Variants in ACTN1 observed in about 807,000 individuals in gnomAD.
ACTN1 encodes the protein actinin alpha 1.
A neutral mutation model predicts 119.6 loss-of-function variants in ACTN1; 30 were observed. That is an observed-to-expected ratio of 0.25 (90% CI 0.19 to 0.34). The LOEUF is 0.34. Among genes scored for constraint, ACTN1 ranks in the 10% least tolerant of loss-of-function variants. The pLI is 1.00. For synonymous variants in ACTN1, 429 were observed against 472.6 expected (o/e 0.91, Z 1.20); for missense variants, 764 against 1,223.4 (o/e 0.62, Z 5.60).
At position 68,882,742 on chromosome 14, in the gene ACTN1, G is replaced by C; in HGVS notation, c.1818+131C>G. 1 of 1,503,794 alleles carries C rather than the reference G, an allele frequency of 6.6e-7. No individual in the cohort carries two copies. Among genetic ancestry groups the C allele is most frequent in the East Asian group, 2.3e-5 (1 of 43,942 alleles). The allele number at this position is 1,503,794 out of a possible 1,614,324, so 93.2% of individuals were successfully genotyped here. On this transcript the variant is annotated intron_variant, in intron 15 of 21. Transcript: ENST00000394419. This position sits in a 1 kb window ranked among gnomAD's most constrained non-coding sequence, Gnocchi z 4.5. ...ACCTGTTCTGGAAACCCAGTCATTT[G>C]ACATTTGGACAAACAATGAGTGTTT...
intron 1 of ACTN1, among the ~76,000 whole-genome samples, chr14:68,937,264 T>C (rs905903711): frequency 1.3e-5 from 2 of 152,104 alleles, no homozygotes; most frequent in Non-Finnish European, 2.9e-5. Flanking sequence ...AAAGTCTGTC[T>C]GGGAATATAT....
At chr14:68,921,220 G>C in intron 2 of ACTN1, 95 bp from the exon 3 acceptor site, 1 of 1,501,596 alleles carries the variant, frequency 6.7e-7, no homozygotes, top group East Asian at 2.3e-5. Context: ...GCACAGCTTA[G>C]CTAGGCAGAA....
At chr14:68,888,503 T>C (rs1007875186) in intron 11 of ACTN1, among the ~76,000 whole-genome samples, 3 of 152,128 alleles carry the variant, frequency 2.0e-5, no homozygotes, top group African/African-American at 7.2e-5. Flanking sequence ...CCTCTTACCA[T>C]TGTGTGCAAA....
intron 8 of ACTN1, among the ~76,000 whole-genome samples, chr14:68,901,219 T>G (rs1369470465): frequency 6.8e-6 from 1 of 146,122 alleles, no homozygotes; most frequent in East Asian, 2.0e-4. Context: ...TTTTTTTTGT[T>G]TTTTTTTTGT....
rs2034856206 is a variant in ACTN1, at chr14:68,925,173, G to A, written c.220+385C>T. On this transcript the variant is annotated intron_variant, in intron 2 of 21. Coordinates refer to ENST00000394419, the MANE Select transcript of ACTN1 (RefSeq NM_001130004.2). This position sits in a 1 kb window ranked among gnomAD's most constrained non-coding sequence, Gnocchi z 4.3. Reference sequence around the variant, plus strand: ...CCCTCCAGACATCTGGACAAACCAGGGGCTGGGGAATGGCCTGGGTCACCT... The same window carrying A: ...CCCTCCAGACATCTGGACAAACCAGAGGCTGGGGAATGGCCTGGGTCACCT... Among the ~76,000 whole-genome samples, 1 of 152,160 alleles carries A rather than the reference G, an allele frequency of 6.6e-6. No homozygotes were observed.
At chr14:68,953,064 ACCCACCCCTGTC>A (rs1329543678) in intron 1 of ACTN1, among the ~76,000 whole-genome samples, 1 of 151,452 alleles carries the variant, frequency 6.6e-6, no homozygotes. Flanking sequence ...CAGCCTGCGC[ACCCACCCCTGTC>A]CCCAGGGGAC....
chr14:68,938,304 C>T (rs2035620532), intron 1 of ACTN1, among the ~76,000 whole-genome samples: 1 of 152,104 alleles, frequency 6.6e-6, no homozygotes. Flanking sequence ...ACAGCCTGTC[C>T]CCAGGACATG....
intron 9 of ACTN1, among the ~76,000 whole-genome samples, chr14:68,893,405 G>GA (rs1371488314): frequency 1.3e-5 from 2 of 152,080 alleles, no homozygotes; most frequent in Non-Finnish European, 2.9e-5. Context: ...CTTGACAAGT[G>GA]AAAAAAACAA....
At chr14:68,928,977 T>C (rs1325246473) in intron 1 of ACTN1, among the ~76,000 whole-genome samples, 2 of 150,960 alleles carry the variant, frequency 1.3e-5, no homozygotes, top group African/African-American at 2.4e-5. Flanking sequence ...CTGTGGTGAG[T>C]TCCTGGGAGA....
Position 68,882,478 on chromosome 14 carries a change from A to C in ACTN1, c.1933T>G (p.Trp645Gly). 1.2e-6 allele frequency: 2 copies of C among 1,614,182 alleles called. No homozygotes were observed. Among genetic ancestry groups the C allele is most frequent in the Non-Finnish European group, 1.7e-6 (2 of 1,180,014 alleles). Reference protein sequence around the residue: ...FGAQANVIGPWIQTKMEEIGR... With the variant: ...FGAQANVIGPGIQTKMEEIGR... Reference sequence around the variant, plus strand: ...CCCACCTCCATCTTGGTCTGGATCCAGGGCCCGATGACATTGGCCTGGGCT... The same window carrying C: ...CCCACCTCCATCTTGGTCTGGATCCCGGGCCCGATGACATTGGCCTGGGCT... Residue 645 changes from tryptophan to glycine, a missense_variant, in exon 16 of 22, where the codon TGG becomes GGG. This residue lies in a region of ACTN1 where 544 missense variants were observed against 912.0 expected (regional missense o/e 0.60). Coordinates refer to ENST00000394419, the MANE Select transcript of ACTN1 (RefSeq NM_001130004.2). This position sits in a 1 kb window ranked among gnomAD's most constrained non-coding sequence, Gnocchi z 4.5.
chr14:68,880,828 G>A lies in ACTN1; in HGVS notation c.2115C>T (p.His705=), dbSNP rs1199668020. Residue 705 remains histidine (H), a synonymous_variant, in exon 17 of 22, where the codon CAC becomes CAT. Coordinates refer to ENST00000394419, the MANE Select transcript of ACTN1 (RefSeq NM_001130004.2). The surrounding 1 kb of genome is among the most constrained non-coding windows in gnomAD (Gnocchi z 4.6). The part of the protein sequence containing the change: ...IQEALIFDNK[H]TNYTMEHIRV... ...CACCCACCTCCATGGTGTAGTTGGTGTGCTTGTTGTCGAAGATGAGCGCCT... is the reference window on the plus strand; with the variant it reads ...CACCCACCTCCATGGTGTAGTTGGTATGCTTGTTGTCGAAGATGAGCGCCT... 1.2e-6 allele frequency: 2 copies of A among 1,614,196 alleles called. No homozygotes were observed. Among genetic ancestry groups the A allele is most frequent in the Non-Finnish European group, 1.7e-6 (2 of 1,180,036 alleles).
Position 68,878,018 on chromosome 14 carries a change from G to T in ACTN1, c.2427+440C>A. 1 of 173,142 alleles carries T rather than the reference G, an allele frequency of 5.8e-6. No individual in the cohort carries two copies. The allele number at this position is 173,142 out of a possible 1,614,324, so 10.7% of individuals were successfully genotyped here. On this transcript the variant is annotated intron_variant, in intron 20 of 21. Transcript: ENST00000394419. This position sits in a 1 kb window ranked among gnomAD's most constrained non-coding sequence, Gnocchi z 4.4. Reference sequence around the variant, plus strand: ...AGGGGGGACAGACTAGGAAGGTTGGGGGGTGGGGGACGGCCTGGGACAATC... The same window carrying T: ...AGGGGGGACAGACTAGGAAGGTTGGTGGGTGGGGGACGGCCTGGGACAATC...
At position 68,877,055 on chromosome 14, in the gene ACTN1, C is replaced by T. The variant is rs777295117; in HGVS notation, c.2586+27G>A. On this transcript the variant is annotated intron_variant, in intron 21 of 21. Transcript: ENST00000394419. Reference sequence around the variant, plus strand: ...GTCCAGCCAGTGCCTGCCACCCCAGCACAGTGCCCACCCATAGGACACCCA... The same window carrying T: ...GTCCAGCCAGTGCCTGCCACCCCAGTACAGTGCCCACCCATAGGACACCCA... The T allele has an allele frequency of 7.4e-6, 12 of 1,612,586 alleles. 1 individual carries two copies. In the South Asian group the frequency reaches 1.3e-4, roughly 18 times the overall value.
At chr14:68,976,619 G>T (rs1566686829) in intron 1 of ACTN1, among the ~76,000 whole-genome samples, 1 of 152,180 alleles carries the variant, frequency 6.6e-6, no homozygotes, top group Non-Finnish European at 1.5e-5. Context: ...GGCTCTCCTG[G>T]TTCCCAGATG....
Position 68,879,826 on chromosome 14 carries a change from A to C in ACTN1, c.2280+136T>G. 1 of 1,286,424 alleles carries C rather than the reference A, an allele frequency of 7.8e-7. No homozygotes were observed. The highest frequency in any genetic ancestry group is 1.1e-6 in the Non-Finnish European group (1 of 944,010). 79.7% of individuals were successfully genotyped at this position (1,286,424 alleles called of 1,614,324 possible). On this transcript the variant is annotated intron_variant, in intron 18 of 21. Transcript: ENST00000394419. This position sits in a 1 kb window ranked among gnomAD's most constrained non-coding sequence, Gnocchi z 4.9. ...CTGGTTTTGCAGGGTGCATTGAGTCAGGGCAGGCTGACGGCAGTTTCCCCT... is the reference window on the plus strand; with the variant it reads ...CTGGTTTTGCAGGGTGCATTGAGTCCGGGCAGGCTGACGGCAGTTTCCCCT...
chr14:68,933,767 T>C (rs950805035), intron 1 of ACTN1, among the ~76,000 whole-genome samples: 3 of 152,042 alleles, frequency 2.0e-5, no homozygotes, highest in Non-Finnish European at 2.9e-5. Context: ...GGATCACTTG[T>C]GTCCAGGAGT....
intron 1 of ACTN1, among the ~76,000 whole-genome samples, chr14:68,927,785 A>G (rs1594828024): frequency 6.6e-6 from 1 of 152,358 alleles, no homozygotes; most frequent in East Asian, 1.9e-4. Context: ...TGGTAGAAAA[A>G]TATTAAAGGA....
intron 1 of ACTN1, among the ~76,000 whole-genome samples, chr14:68,973,531 A>T (rs2036962404): frequency 6.6e-6 from 1 of 152,196 alleles, no homozygotes; most frequent in Non-Finnish European, 1.5e-5. Flanking sequence ...CTGAACTGTG[A>T]GTCAATTAAA....
chr14:68,912,065 G>A lies in ACTN1; in HGVS notation c.427+91C>T, dbSNP rs542693469. The A allele has an allele frequency of 2.1e-5, 25 of 1,170,324 alleles. 1 individual carries two copies. Among genetic ancestry groups the A allele is most frequent in the South Asian group, 1.8e-4 (14 of 76,488 alleles). The allele number at this position is 1,170,324 out of a possible 1,614,324, so 72.5% of individuals were successfully genotyped here. ...GCCCAGGACATGGCCCCTGATCAAC[G>A]TCCGTTGCCCTGGGTATGGGAGTTC... On this transcript the variant is annotated intron_variant, in intron 4 of 21. Coordinates refer to ENST00000394419, the MANE Select transcript of ACTN1 (RefSeq NM_001130004.2).
Sources: allele counts gnomAD v4.1 joint callset (sites outside exome capture counted in the v4.1 genomes callset), GRCh38; gene constraint gnomAD v4.1.1; regional missense constraint gnomAD v4.1.1; non-coding constraint Gnocchi (gnomAD v3.1); transcripts MANE v1.5; gene names NCBI Gene and HGNC (gene_info 2026-07-23, HGNC 2026-07-21).